FBXO28: variants seen among roughly 807,000 people sequenced by gnomAD.
FBXO28 encodes the protein F-box protein 28, also known as F-box only protein 28.
Under a neutral mutation model 38.1 loss-of-function variants are expected in FBXO28, and 8 were observed. The observed-to-expected ratio is 0.21, with a 90% CI of 0.12 to 0.38. The LOEUF (loss-of-function observed/expected upper bound fraction) is 0.38. Among genes scored for constraint, FBXO28 ranks in the 10% least tolerant of loss-of-function variants. The probability of loss-of-function intolerance (pLI) is 1.00; values close to 1 mark genes in which losing one functional copy is unlikely to be tolerated. For synonymous variants in FBXO28, 168 were observed against 173.8 expected, an observed-to-expected ratio of 0.97 and a Z score of 0.26; for missense variants, 345 against 460.6, an observed-to-expected ratio of 0.75 and a Z score of 2.30.
chr1:224,119,597 T>G (rs1351893645), intron 1 of FBXO28, among the ~76,000 whole-genome samples: 1 of 152,198 alleles, frequency 6.6e-6, no homozygotes, highest in Non-Finnish European at 1.5e-5. Context: ...CTGTCCACTG[T>G]GTCGTCATCA....
chr1:224,130,232 C>T (rs1401406311), intron 1 of FBXO28, among the ~76,000 whole-genome samples: 1 of 152,030 alleles, frequency 6.6e-6, no homozygotes, highest in Non-Finnish European at 1.5e-5. Context: ...TTTCCAGCTA[C>T]TGGGGAGGCT....
In FBXO28 at chr1:224,157,518, A is replaced by C. The variant is rs1260640336; in HGVS notation, c.879A>C (p.Gln293His). 1 of 1,614,266 alleles carries C rather than the reference A, an allele frequency of 6.2e-7. No individual in the cohort carries two copies. ...TTCGCACCAAAGTGCAAGAACAGCA[A>C]AAACAGCTTCAAGACCAGGACCAGA... ...SELRTKVQEQ[Q>H]KQLQDQDQKL... Residue 293 changes from glutamine (Q) to histidine (H), a missense_variant, in exon 5 of 5, where the codon CAA (glutamine) becomes CAC (histidine). By Grantham distance (24) the Gln-to-His change is conservative. This residue lies in a region of FBXO28 where 151 missense variants were observed against 188.3 expected (regional missense o/e 0.80). Transcript: ENST00000366862.
chr1:224,117,310 G>A (rs2102606869), intron 1 of FBXO28, among the ~76,000 whole-genome samples: 1 of 151,980 alleles, frequency 6.6e-6, no homozygotes, highest in East Asian at 2.0e-4. Flanking sequence ...TGGAACTACA[G>A]GCGCACGCCA....
At chr1:224,142,633 T>C (rs893809615) in intron 3 of FBXO28, among the ~76,000 whole-genome samples, 1 of 151,770 alleles carries the variant, frequency 6.6e-6, no homozygotes, top group African/African-American at 2.4e-5. Context: ...CTGGCCAACA[T>C]GGTGAAGCCC....
intron 3 of FBXO28, among the ~76,000 whole-genome samples, chr1:224,139,601 G>A (rs1262011223): frequency 3.9e-5 from 6 of 152,044 alleles, no homozygotes; most frequent in Non-Finnish European, 8.8e-5. Context: ...AATTAGCTGG[G>A]CTGGTGGCAC....
intron 3 of FBXO28, among the ~76,000 whole-genome samples, chr1:224,140,091 A>C (rs1275991129): frequency 4.6e-5 from 7 of 152,208 alleles, no homozygotes; most frequent in African/African-American, 1.7e-4. Context: ...ATCTTGTCTC[A>C]AGAAAATAAA....
chr1:224,134,465 T>C (rs915940821), intron 3 of FBXO28: 1 of 281,516 alleles, frequency 3.6e-6, no homozygotes, highest in African/African-American at 2.2e-5. Context: ...TACTCAAGAA[T>C]AAAATTTGAG....
rs1353677010 is a variant in FBXO28, at chr1:224,160,597, T to C, written c.*2851T>C. 1 of 152,198 alleles carries C rather than the reference T, an allele frequency of 6.6e-6. No homozygotes were observed. The highest frequency in any genetic ancestry group is 1.9e-4 in the East Asian group (1 of 5,196). 9.4% of individuals were successfully genotyped at this position (152,198 alleles called of 1,614,324 possible). ...TCTGAGGTTATAGAACCTGTTGTTTTTCAAACTCCTGTACAGAGCCTGGAA... is the reference window on the plus strand; with the variant it reads ...TCTGAGGTTATAGAACCTGTTGTTTCTCAAACTCCTGTACAGAGCCTGGAA... On this transcript the variant is annotated 3_prime_UTR_variant, in exon 5 of 5. Coordinates refer to ENST00000366862, the MANE Select transcript of FBXO28 (RefSeq NM_015176.4).
Position 224,160,557 on chromosome 1 carries a change from C to T in FBXO28, c.*2811C>T, listed in dbSNP as rs946129156. On this transcript the variant is annotated 3_prime_UTR_variant, in exon 5 of 5. Coordinates refer to ENST00000366862, the MANE Select transcript of FBXO28 (RefSeq NM_015176.4). ...TATCTCCCACATGCACTTGGCTTAA[C>T]TGGTTTTCACAGATTCTGAGGTTAT... is the stretch of plus-strand genomic sequence containing the variant. 5 of 152,176 alleles carry T rather than the reference C, an allele frequency of 3.3e-5. No homozygotes were observed. The highest frequency in any genetic ancestry group is 2.6e-4 in the Admixed American group (4 of 15,280). The allele number at this position is 152,176 out of a possible 1,614,324, so 9.4% of individuals were successfully genotyped here.
intron 4 of FBXO28, among the ~76,000 whole-genome samples, chr1:224,153,583 T>G (rs1657696777): frequency 6.6e-6 from 1 of 152,204 alleles, no homozygotes; most frequent in Admixed American, 6.5e-5. Flanking sequence ...ACTAAATCTT[T>G]GCACATATCC....
At chr1:224,156,456 A>T (rs1657775702) in intron 4 of FBXO28, among the ~76,000 whole-genome samples, 3 of 152,174 alleles carry the variant, frequency 2.0e-5, no homozygotes, top group African/African-American at 7.2e-5. Context: ...ATTTCTTAGG[A>T]CCAGAAGTGT....
intron 3 of FBXO28, among the ~76,000 whole-genome samples, chr1:224,138,581 G>A (rs1657254491): frequency 6.6e-6 from 1 of 151,724 alleles, no homozygotes; most frequent in Non-Finnish European, 1.5e-5. Context: ...TCTAACACAT[G>A]GAAGTTACAC....
chr1:224,133,915 A>G (rs1657115661), intron 2 of FBXO28, among the ~76,000 whole-genome samples, 159 bp from the exon 3 acceptor site: 1 of 152,136 alleles, frequency 6.6e-6, no homozygotes, highest in Admixed American at 6.6e-5. Flanking sequence ...TTCTAGGCAT[A>G]GTGATTCATT....
chr1:224,149,058 C>T (rs1657578943), intron 3 of FBXO28, among the ~76,000 whole-genome samples: 1 of 152,104 alleles, frequency 6.6e-6, no homozygotes, highest in South Asian at 2.1e-4. Context: ...CAGTCCTATT[C>T]TAGCCCAAAT....
intron 1 of FBXO28, among the ~76,000 whole-genome samples, chr1:224,120,213 C>T (rs1238376433): frequency 6.6e-6 from 1 of 152,202 alleles, no homozygotes; most frequent in Non-Finnish European, 1.5e-5. Context: ...TTCCCTTAAA[C>T]ACCTACTTCT....
intron 4 of FBXO28, among the ~76,000 whole-genome samples, chr1:224,155,382 G>A (rs915622681): frequency 2.0e-5 from 3 of 152,094 alleles, no homozygotes; most frequent in Admixed American, 1.3e-4. Context: ...GTTCAGGCTG[G>A]TCTTGAACTC....
chr1:224,153,921 CA>C (rs3065992), intron 4 of FBXO28, among the ~76,000 whole-genome samples: 218 of 130,510 alleles, frequency 1.7e-3, no homozygotes, highest in Middle Eastern at 5.2e-3. Flanking sequence ...AACTCCATCT[CA>C]AAAAAAAAAA....
intron 4 of FBXO28, among the ~76,000 whole-genome samples, chr1:224,157,052 A>T (rs1657790938): frequency 6.6e-6 from 1 of 151,896 alleles, no homozygotes; most frequent in South Asian, 2.1e-4. Context: ...GTATTTTGTT[A>T]CTAGGTTCTA....
chr1:224,123,398 G>A (rs1374841570), intron 1 of FBXO28, among the ~76,000 whole-genome samples: 1 of 132,650 alleles, frequency 7.5e-6, no homozygotes, highest in Non-Finnish European at 1.5e-5. Context: ...AGCCGTGATC[G>A]TGCCACTCCA....
Sources: gnomAD v4.1 joint callset for allele counts (sites outside exome capture counted in the v4.1 genomes callset) on GRCh38, gnomAD v4.1.1 for gene constraint, gnomAD v4.1.1 regional missense constraint, MANE v1.5 for transcripts, NCBI Gene and HGNC (gene_info 2026-07-23, HGNC 2026-07-21) for gene names.